KIAA1958: variants seen among roughly 807,000 people sequenced by gnomAD.
KIAA1958 encodes the protein KIAA1958.
Under a neutral mutation model 47.2 loss-of-function variants are expected in KIAA1958, and 14 were observed. That is an observed-to-expected ratio of 0.30 (90% CI 0.20 to 0.46). The LOEUF (loss-of-function observed/expected upper bound fraction) is 0.46. Among genes scored for constraint, KIAA1958 ranks in the 20% least tolerant of loss-of-function variants. The probability of loss-of-function intolerance (pLI) is 1.00; values close to 1 mark genes in which losing one functional copy is unlikely to be tolerated. For missense variants in KIAA1958, 803 were observed against 909.2 expected (o/e 0.88, Z 1.50); for synonymous variants, 354 against 353.3 (o/e 1.00, Z -0.02).
At chr9:112,543,230 T>TTTGA (rs72371421) in intron 1 of KIAA1958, among the ~76,000 whole-genome samples, 1 of 151,334 alleles carries the variant, frequency 6.6e-6, no homozygotes, top group African/African-American at 2.4e-5. Context: ...GTTGTTGTTG[T>TTTGA]TTGTTTGTTT....
chr9:112,508,534 GAT>G (rs1834271884), intron 1 of KIAA1958, among the ~76,000 whole-genome samples: 1 of 152,182 alleles, frequency 6.6e-6, no homozygotes, highest in Non-Finnish European at 1.5e-5. Flanking sequence ...CATGGAAGAT[GAT>G]TATTCAATAG....
chr9:112,560,626 A>G (rs148392129), intron 1 of KIAA1958, among the ~76,000 whole-genome samples: 330 of 152,362 alleles, frequency 2.2e-3, no homozygotes, highest in African/African-American at 7.7e-3. Context: ...TTTGCGTCAC[A>G]TAACTGTATT....
chr9:112,614,427 A>G (rs900633334), intron 2 of KIAA1958, among the ~76,000 whole-genome samples: 5 of 152,236 alleles, frequency 3.3e-5, no homozygotes, highest in African/African-American at 9.6e-5. Flanking sequence ...TATTAAAAAG[A>G]TTTTAAAAGG....
At chr9:112,590,031 G>GC (rs1285198050) in intron 2 of KIAA1958, among the ~76,000 whole-genome samples, 1 of 152,110 alleles carries the variant, frequency 6.6e-6, no homozygotes, top group African/African-American at 2.4e-5. Flanking sequence ...CAGATGACTG[G>GC]CTTCCACCTT....
chr9:112,553,565 G>A (rs1352613804), intron 1 of KIAA1958, among the ~76,000 whole-genome samples: 2 of 152,108 alleles, frequency 1.3e-5, no homozygotes, highest in African/African-American at 2.4e-5. Flanking sequence ...TAATAGTACT[G>A]CCTTATAAAG....
At chr9:112,496,517 T>C (rs192826145) in intron 1 of KIAA1958, among the ~76,000 whole-genome samples, 2 of 152,318 alleles carry the variant, frequency 1.3e-5, no homozygotes, top group African/African-American at 4.8e-5. Flanking sequence ...GTTTGTGAAA[T>C]TGTGAAATAT....
rs147038437 is a variant in KIAA1958, at chr9:112,662,422, G to A, written c.*2353G>A. 2 of 152,096 alleles carry A rather than the reference G, an allele frequency of 1.3e-5. No homozygotes were observed. Among genetic ancestry groups the A allele is most frequent in the African/African-American group, 2.4e-5 (1 of 41,470 alleles). 9.4% of individuals were successfully genotyped at this position (152,096 alleles called of 1,614,324 possible). On this transcript the variant is annotated 3_prime_UTR_variant, in exon 4 of 4. Coordinates refer to ENST00000337530, the MANE Select transcript of KIAA1958 (RefSeq NM_133465.4). ...CATTTATGTATATGTGTGTGTGTCT[G>A]TGTATACACACAAACACATATACAT...
chr9:112,633,132 T>A (rs1002374293), intron 2 of KIAA1958, among the ~76,000 whole-genome samples: 2 of 152,060 alleles, frequency 1.3e-5, no homozygotes, highest in Non-Finnish European at 2.9e-5. Flanking sequence ...AGCAATGATC[T>A]ATTTGTCTAT....
chr9:112,511,708 AAAAT>A (rs1245732660), intron 1 of KIAA1958, among the ~76,000 whole-genome samples: 1 of 152,220 alleles, frequency 6.6e-6, no homozygotes, highest in Non-Finnish European at 1.5e-5. Context: ...AATAGAATAG[AAAAT>A]AAATAAAACC....
At position 112,574,767 on chromosome 9, in the gene KIAA1958, C is replaced by G. The variant is rs1247938649; in HGVS notation, c.687C>G (p.Ser229=). 2 of 1,614,080 alleles carry G rather than the reference C, an allele frequency of 1.2e-6. No homozygotes were observed. The highest frequency in any genetic ancestry group is 1.7e-6 in the Non-Finnish European group (2 of 1,179,972). The change falls in exon 2 of 4, where the codon TCC becomes TCG. Residue 229 remains serine (S), a synonymous_variant. Transcript: ENST00000337530. ...LTGGVDGPAL[S]LTQMAKPKPQ... is the part of the protein sequence containing the mutation. ...GAGGAGTAGATGGACCAGCCCTGTC[C>G]TTGACACAGATGGCAAAACCCAAGC...
At chr9:112,573,464 A>C (rs1835574165) in intron 1 of KIAA1958, among the ~76,000 whole-genome samples, 1 of 151,814 alleles carries the variant, frequency 6.6e-6, no homozygotes, top group African/African-American at 2.4e-5. Context: ...TTTCTTTCCC[A>C]CTTCTCAAAT....
chr9:112,668,773 C>T lies in KIAA1958; in HGVS notation c.*8704C>T, dbSNP rs1305095531. 1 of 152,212 alleles carries T rather than the reference C, an allele frequency of 6.6e-6. No individual in the cohort carries two copies. The highest frequency in any genetic ancestry group is 1.9e-4 in the East Asian group (1 of 5,204). The allele number at this position is 152,212 out of a possible 1,614,324, so 9.4% of individuals were successfully genotyped here. A position where few individuals can be genotyped will look rare whatever the true frequency, so the allele number is the denominator to read the frequency against. ...TTCATTCTGAAACAGAGCAAAACAT[C>T]TTCCCAAAGAGATGGAGACAATCTC... On this transcript the variant is annotated 3_prime_UTR_variant, in exon 4 of 4. Transcript: ENST00000337530.
At chr9:112,494,113 A>G (rs1317794174) in intron 1 of KIAA1958, among the ~76,000 whole-genome samples, 2 of 152,218 alleles carry the variant, frequency 1.3e-5, no homozygotes, top group Non-Finnish European at 2.9e-5. Context: ...AAACTGTAAT[A>G]CCAATATGAT....
At chr9:112,571,702 G>T (rs963171184) in intron 1 of KIAA1958, among the ~76,000 whole-genome samples, 7 of 151,896 alleles carry the variant, frequency 4.6e-5, no homozygotes, top group Non-Finnish European at 1.0e-4. Flanking sequence ...TGTAATCCCT[G>T]AGCTTTGGGA....
At chr9:112,534,791 G>A (rs1419716823) in intron 1 of KIAA1958, among the ~76,000 whole-genome samples, 2 of 152,010 alleles carry the variant, frequency 1.3e-5, no homozygotes, top group Admixed American at 6.6e-5. Flanking sequence ...TGATCTGCCC[G>A]CCTCGGCCTC....
At chr9:112,645,865 A>G in intron 3 of KIAA1958, 43 bp downstream of exon 3, 1 of 1,574,298 alleles carries the variant, frequency 6.4e-7, no homozygotes, top group Non-Finnish European at 8.7e-7. Flanking sequence ...AACTTCACTG[A>G]GCTTCCAAAT....
In KIAA1958 at chr9:112,659,957, G is replaced by A; in HGVS notation, c.2039G>A (p.Gly680Glu). The change falls in exon 4 of 4, where the codon GGA becomes GAA. Residue 680 changes from glycine to glutamate, a missense_variant. Coordinates refer to ENST00000337530, the MANE Select transcript of KIAA1958 (RefSeq NM_133465.4). The part of the protein sequence containing the change: ...EQRMGLRSLR[G>E]IVPNLAKKVK... ...AGGATGGGGCTGCGCTCTCTTCGGG[G>A]AATTGTCCCAAACTTAGCCAAGAAG... 1 of 1,614,258 alleles carries A rather than the reference G, an allele frequency of 6.2e-7. No homozygotes were observed. Among genetic ancestry groups the A allele is most frequent in the Non-Finnish European group, 8.5e-7 (1 of 1,180,050 alleles).
chr9:112,637,951 C>G (rs960426542), intron 2 of KIAA1958, among the ~76,000 whole-genome samples: 1 of 152,072 alleles, frequency 6.6e-6, no homozygotes, highest in East Asian at 1.9e-4. Flanking sequence ...AAGTTCAAGA[C>G]CAGCCTGGCC....
chr9:112,659,356 G>T lies in KIAA1958; in HGVS notation c.1438G>T (p.Ala480Ser), dbSNP rs1484952882. The T allele has an allele frequency of 3.1e-6, 5 of 1,614,156 alleles. No homozygotes were observed. The highest frequency in any genetic ancestry group is 4.2e-6 in the Non-Finnish European group (5 of 1,180,034). Residue 480 changes from alanine to serine, a missense_variant, in exon 4 of 4, where the codon GCT becomes TCT. Physicochemically the swap from Ala to Ser is moderately conservative, Grantham distance 99. Coordinates refer to ENST00000337530, the MANE Select transcript of KIAA1958 (RefSeq NM_133465.4). The part of the protein sequence containing the change: ...GSDFLATSLH[A>S]IRRGLDRILK... The stretch of plus-strand genomic sequence containing the variant: ...GGACTTCCTGGCCACCTCGCTCCAT[G>T]CTATTCGCCGAGGCCTGGACCGCAT...
Sources: allele counts gnomAD v4.1 joint callset (sites outside exome capture counted in the v4.1 genomes callset), GRCh38; gene constraint gnomAD v4.1.1; transcripts MANE v1.5; gene names NCBI Gene and HGNC (gene_info 2026-07-23, HGNC 2026-07-21).